Variants in ITGA1 observed in about 807,000 individuals in gnomAD.
ITGA1 encodes the protein integrin alpha-1.
Under a neutral mutation model 145.9 loss-of-function variants are expected in ITGA1, and 85 were observed. That is an observed-to-expected ratio of 0.58 (90% CI 0.49 to 0.70). The LOEUF is 0.70. Ranked by LOEUF, ITGA1 falls within the 30% of genes least tolerant of loss-of-function variation. The pLI, the probability that ITGA1 is intolerant of heterozygous loss-of-function variation, is 0.00. For missense variants in ITGA1, 1,351 were observed against 1,418.7 expected (o/e 0.95, Z 0.77); for synonymous variants, 520 against 495.3 (o/e 1.05, Z -0.66).
chr5:52,792,048 A>C (rs952937536), intron 1 of ITGA1, among the ~76,000 whole-genome samples: 1 of 152,242 alleles, frequency 6.6e-6, no homozygotes, highest in African/African-American at 2.4e-5. Flanking sequence ...TAATGATACA[A>C]GTCAATCTTT....
intron 6 of ITGA1, among the ~76,000 whole-genome samples, chr5:52,869,923 C>T (rs1372752573): frequency 6.6e-6 from 1 of 151,946 alleles, no homozygotes; most frequent in African/African-American, 2.4e-5. Flanking sequence ...TTTACCAAGC[C>T]ATTGCTTTTG....
At position 52,911,963 on chromosome 5, in the gene ITGA1, G is replaced by C. The variant is rs528510521; in HGVS notation, c.1857+1544G>C. ...ATATATACTATATATACTATATATA[G>C]TGTATCTACTATATATACTATATGT... On this transcript the variant is annotated intron_variant, in intron 14 of 28. Coordinates refer to ENST00000282588, the MANE Select transcript of ITGA1 (RefSeq NM_181501.2). 2.7e-3 allele frequency among the ~76,000 whole-genome samples: 222 copies of C among 81,794 alleles called. 3 individuals carry two copies. Among genetic ancestry groups the C allele is most frequent in the African/African-American group, 8.0e-3 (195 of 24,350 alleles). 53.7% of individuals were successfully genotyped at this position (81,794 alleles called of 152,430 possible). A position where few individuals can be genotyped will look rare whatever the true frequency, so the allele number is the denominator to read the frequency against.
At chr5:52,908,442 A>G (rs1750444880) in intron 12 of ITGA1, among the ~76,000 whole-genome samples, 1 of 152,182 alleles carries the variant, frequency 6.6e-6, no homozygotes, top group African/African-American at 2.4e-5. Flanking sequence ...TTGAGAAGAC[A>G]ATCTTCCAAG....
chr5:52,832,585 A>G (rs1054389854), intron 1 of ITGA1, among the ~76,000 whole-genome samples: 8 of 152,130 alleles, frequency 5.3e-5, no homozygotes, highest in Admixed American at 4.6e-4. Context: ...TAATCTCCAT[A>G]TTTTCTTACA....
rs1750262732 is a variant in ITGA1, at chr5:52,898,301, G to A, written c.1227G>A (p.Lys409=). ...YDWNGTVVMQ[K]ASQIIIPRNT... is the part of the protein sequence containing the mutation. ...GGAATGGAACAGTTGTCATGCAGAA[G>A]GCTAGTCAAATCATAATCCCTCGAA... The change falls in exon 11 of 29, where the codon AAG becomes AAA. Residue 409 remains lysine (K), a synonymous_variant. Coordinates refer to ENST00000282588, the MANE Select transcript of ITGA1 (RefSeq NM_181501.2). The A allele has an allele frequency of 2.5e-6, 4 of 1,612,066 alleles. No individual in the cohort carries two copies. The highest frequency in any genetic ancestry group is 1.7e-5 in the Admixed American group (1 of 59,826).
intron 28 of ITGA1, 109 bp from the exon 29 acceptor site, chr5:52,952,298 G>A (rs1437503776): frequency 1.0e-5 from 5 of 499,642 alleles, no homozygotes; most frequent in Non-Finnish European, 1.8e-5. Context: ...TATTAGTTGT[G>A]TGCCCAGCAT....
intron 13 of ITGA1, 82 bp downstream of exon 13, chr5:52,909,123 C>G (rs958811521): frequency 7.1e-7 from 1 of 1,410,946 alleles, no homozygotes; most frequent in East Asian, 2.5e-5. Flanking sequence ...CAATTTTTCA[C>G]TCACTTTGAA....
At chr5:52,897,754 G>T (rs1263922576) in intron 10 of ITGA1, among the ~76,000 whole-genome samples, 1 of 152,164 alleles carries the variant, frequency 6.6e-6, no homozygotes, top group African/African-American at 2.4e-5. Flanking sequence ...ACTAATAGTT[G>T]TGAATCAGAC....
chr5:52,918,367 T>A (rs2938789), intron 15 of ITGA1, among the ~76,000 whole-genome samples: 1 of 151,958 alleles, frequency 6.6e-6, no homozygotes, highest in African/African-American at 2.4e-5. Context: ...ATAGCAGGGG[T>A]CTACGGGCTG....
At chr5:52,867,344 C>A (rs1179428687) in intron 6 of ITGA1, 1 of 152,056 alleles carries the variant, frequency 6.6e-6, no homozygotes, top group African/African-American at 2.4e-5. Context: ...TTATAAATAT[C>A]CTGCTGGACA....
At chr5:52,874,769 A>T (rs1749839366) in intron 6 of ITGA1, among the ~76,000 whole-genome samples, 1 of 152,184 alleles carries the variant, frequency 6.6e-6, no homozygotes, top group South Asian at 2.1e-4. Context: ...AAAATCTTCC[A>T]ATTTAGAAAT....
chr5:52,894,745 A>G (rs1323865509), intron 9 of ITGA1, among the ~76,000 whole-genome samples: 1 of 152,190 alleles, frequency 6.6e-6, no homozygotes, highest in Non-Finnish European at 1.5e-5. Flanking sequence ...AACAATAGAA[A>G]TTTAAAAGCA....
intron 2 of ITGA1, among the ~76,000 whole-genome samples, chr5:52,853,948 A>G (rs1458779213): frequency 6.6e-6 from 1 of 152,172 alleles, no homozygotes; most frequent in African/African-American, 2.4e-5. Flanking sequence ...GTCTCAGCCG[A>G]ACGGGAAAAT....
At chr5:52,795,275 G>T (rs1376365426) in intron 1 of ITGA1, among the ~76,000 whole-genome samples, 1 of 151,884 alleles carries the variant, frequency 6.6e-6, no homozygotes, top group Non-Finnish European at 1.5e-5. Context: ...GACATGGAAA[G>T]ACACAATGGT....
chr5:52,810,778 A>C (rs1748672996), intron 1 of ITGA1, among the ~76,000 whole-genome samples: 1 of 152,112 alleles, frequency 6.6e-6, no homozygotes. Context: ...ATAAGTTCAA[A>C]TTTTTCCTGT....
At chr5:52,900,766 A>G (rs1750300892) in intron 11 of ITGA1, among the ~76,000 whole-genome samples, 1 of 152,058 alleles carries the variant, frequency 6.6e-6, no homozygotes, top group African/African-American at 2.4e-5. Context: ...CAATTTTCCT[A>G]TTTCTAAAAT....
At chr5:52,795,211 C>G (rs1464365567) in intron 1 of ITGA1, among the ~76,000 whole-genome samples, 2 of 151,698 alleles carry the variant, frequency 1.3e-5, no homozygotes, top group African/African-American at 4.8e-5. Flanking sequence ...TCCAGGAGAA[C>G]AAAGACAAAT....
chr5:52,891,888 C>A (rs921814932), intron 8 of ITGA1, among the ~76,000 whole-genome samples: 1 of 151,892 alleles, frequency 6.6e-6, no homozygotes, highest in Non-Finnish European at 1.5e-5. Context: ...TTATCTTGAA[C>A]ATTTTTATAT....
chr5:52,808,676 C>CTT (rs60113844), intron 1 of ITGA1, among the ~76,000 whole-genome samples: 12,532 of 69,930 alleles, frequency 0.18, 440 homozygotes, highest in East Asian at 0.27. Flanking sequence ...TTCTTTCTTT[C>CTT]TTTTTTTTTT....
Sources: gnomAD v4.1 joint callset for allele counts (sites outside exome capture counted in the v4.1 genomes callset) on GRCh38, gnomAD v4.1.1 for gene constraint, MANE v1.5 for transcripts, NCBI Gene and HGNC (gene_info 2026-07-23, HGNC 2026-07-21) for gene names.